Variants in NBPF11 observed in about 807,000 individuals in gnomAD.
The protein encoded by NBPF11 is NBPF family member NBPF11.
A neutral mutation model predicts 93.9 loss-of-function variants in NBPF11; 72 were observed. The observed-to-expected ratio is 0.77, with a 90% CI of 0.63 to 0.93. NBPF11 has a LOEUF of 0.93. NBPF11 is among the 40% of genes least tolerant of loss of function. NBPF11 has a pLI of 0.00. For synonymous variants in NBPF11, 224 were observed against 304.9 expected, an observed-to-expected ratio of 0.73 and a Z score of 2.76; for missense variants, 705 against 802.2, an observed-to-expected ratio of 0.88 and a Z score of 1.46.
chr1:148,108,325 C>G (rs1664289418), intron 18 of NBPF11, among the ~76,000 whole-genome samples, 157 bp downstream of exon 18: 1 of 151,086 alleles, frequency 6.6e-6, no homozygotes, highest in Admixed American at 6.6e-5. Context: ...GTCTGGGCTT[C>G]CAAGTGGAAC....
At chr1:148,110,041 A>G (rs1180464507) in intron 16 of NBPF11, among the ~76,000 whole-genome samples, 1 of 150,694 alleles carries the variant, frequency 6.6e-6, no homozygotes, top group Non-Finnish European at 1.5e-5. Flanking sequence ...GGCAAGAGAC[A>G]TTTAATTCAG....
At chr1:148,113,618 C>A (rs1431393105) in intron 15 of NBPF11, among the ~76,000 whole-genome samples, 2 of 101,268 alleles carry the variant, frequency 2.0e-5, no homozygotes, top group South Asian at 4.0e-4. Context: ...ACCAAGCAGA[C>A]CTAAAAGACA....
intron 16 of NBPF11, 162 bp from the exon 17 acceptor site, chr1:148,109,497 A>G (rs1334536616): frequency 3.2e-5 from 21 of 656,216 alleles, no homozygotes; most frequent in Non-Finnish European, 4.9e-5. Flanking sequence ...AAGTCTTGAG[A>G]AAACTGGCTT....
intron 2 of NBPF11, among the ~76,000 whole-genome samples, chr1:148,138,448 T>C (rs1417937898): frequency 1.3e-5 from 2 of 151,396 alleles, no homozygotes; most frequent in East Asian, 1.9e-4. Flanking sequence ...TTTCAGACTA[T>C]GACATGGGGA....
intron 1 of NBPF11, chr1:148,146,776 A>G (rs1325606360): frequency 6.2e-7 from 1 of 1,613,114 alleles, no homozygotes; most frequent in Non-Finnish European, 8.5e-7. Context: ...GGGCCAGATG[A>G]GCAGCTTCTA....
intron 2 of NBPF11, among the ~76,000 whole-genome samples, chr1:148,142,168 G>C (rs1202634515): frequency 6.6e-6 from 1 of 151,420 alleles, no homozygotes; most frequent in Non-Finnish European, 1.5e-5. Flanking sequence ...GAGAGAAGTA[G>C]GGAAGAAAGG....
At chr1:148,133,039 G>C (rs1670680843) in intron 4 of NBPF11, among the ~76,000 whole-genome samples, 2 of 148,858 alleles carry the variant, frequency 1.3e-5, no homozygotes, top group South Asian at 4.4e-4. Flanking sequence ...TGTGAGCCAT[G>C]GTGCCCAGTC....
At chr1:148,132,494 A>G (rs1670569634) in intron 4 of NBPF11, among the ~76,000 whole-genome samples, 1 of 150,000 alleles carries the variant, frequency 6.7e-6, no homozygotes, top group African/African-American at 2.5e-5. Context: ...ATTACCATAT[A>G]AATGGTAGAA....
intron 2 of NBPF11, 53 bp downstream of exon 2, chr1:148,143,362 T>C: frequency 1.4e-6 from 1 of 722,976 alleles, no homozygotes; most frequent in Non-Finnish European, 1.8e-6. Context: ...TGAGTCATAA[T>C]AGAAAGAGGA....
chr1:148,123,683 C>T (rs1428779248), intron 7 of NBPF11, among the ~76,000 whole-genome samples, 170 bp downstream of exon 7: 7 of 151,994 alleles, frequency 4.6e-5, no homozygotes, highest in South Asian at 4.1e-4. Context: ...ACCTCCAAAC[C>T]GATGGGTTTC....
At chr1:148,150,163 T>C (rs2149318711) in intron 1 of NBPF11, among the ~76,000 whole-genome samples, 1 of 151,024 alleles carries the variant, frequency 6.6e-6, no homozygotes, top group East Asian at 1.9e-4. Context: ...CTTTTTTTTT[T>C]TTTTTTGAGG....
intron 1 of NBPF11, chr1:148,146,967 G>A: frequency 6.6e-7 from 1 of 1,522,974 alleles, no homozygotes; most frequent in Non-Finnish European, 8.8e-7. Flanking sequence ...CACCCAAGAG[G>A]GGACCAGGCG....
intron 10 of NBPF11, among the ~76,000 whole-genome samples, chr1:148,119,403 C>A (rs11239907): frequency 6.6e-6 from 1 of 151,156 alleles, no homozygotes; most frequent in Admixed American, 6.7e-5. Context: ...ATGTAATTCA[C>A]TGCAGCAATT....
At chr1:148,114,892 C>A (rs1164433996) in intron 14 of NBPF11, among the ~76,000 whole-genome samples, 4 of 151,456 alleles carry the variant, frequency 2.6e-5, no homozygotes, top group Non-Finnish European at 5.9e-5. Context: ...TAAATTTGAA[C>A]AACTCTTGCT....
chr1:148,149,789 A>T (rs1196018485), intron 1 of NBPF11, among the ~76,000 whole-genome samples: 13,058 of 116,486 alleles, frequency 0.11, 694 homozygotes, highest in Middle Eastern at 0.21. Flanking sequence ...ATTTAAAATT[A>T]AAAAAAAAAA....
chr1:148,124,353 T>C (rs1434396499), intron 6 of NBPF11, among the ~76,000 whole-genome samples: 2 of 151,280 alleles, frequency 1.3e-5, no homozygotes, highest in Admixed American at 1.3e-4. Flanking sequence ...AAAGACATCC[T>C]TTCAGTTCCT....
intron 1 of NBPF11, chr1:148,146,551 T>G: frequency 1.2e-6 from 2 of 1,604,932 alleles, no homozygotes; most frequent in South Asian, 1.1e-5. Flanking sequence ...GGCCGCCCCC[T>G]TGGGGACCCT....
chr1:148,137,171 T>A lies in NBPF11; in HGVS notation c.-178+540A>T, dbSNP rs1671437123. ...TGGTGAGGTTACCGCATGAACTGGA[T>A]CTAATCACATCACTCCATACATGAC... On this transcript the variant is annotated intron_variant, in intron 3 of 23. Transcript: ENST00000682118. Among the ~76,000 whole-genome samples the A allele has an allele frequency of 5.3e-5, 8 of 152,048 alleles. No individual in the cohort carries two copies. In the South Asian group the frequency reaches 1.7e-3, roughly 32 times the overall value.
rs1318537566 is a variant in NBPF11 at position 148,108,522 on chromosome 1, T to A, written c.1986A>T (p.Val662=). 5 of 1,600,382 alleles carry A rather than the reference T, an allele frequency of 3.1e-6. No homozygotes were observed. Among genetic ancestry groups the A allele is most frequent in the Non-Finnish European group, 1.7e-6 (2 of 1,170,454 alleles). ...CCAAGCCAATACGCTGTTGCTCCAA[T>A]ACGTAAAAGGCACTTCTGTAGGGCT... The part of the protein sequence containing the change: ...SCQPYRSAFY[V]LEQQRIGLAV... Residue 662 remains valine (V), a synonymous_variant, in exon 18 of 24, where the codon GTA becomes GTT. Transcript: ENST00000682118.
Sources: allele counts gnomAD v4.1 joint callset (sites outside exome capture counted in the v4.1 genomes callset), GRCh38; gene constraint gnomAD v4.1.1; transcripts MANE v1.5; gene names NCBI Gene and HGNC (gene_info 2026-07-23, HGNC 2026-07-21).